Variants in USP48 observed in about 807,000 individuals in gnomAD.
USP48 encodes ubiquitin carboxyl-terminal hydrolase 48.
USP48 carries 43 observed loss-of-function variants against 150.7 expected under a neutral mutation model. That is an observed-to-expected ratio of 0.29 (90% CI 0.22 to 0.37). The LOEUF (loss-of-function observed/expected upper bound fraction) is 0.37. Ranked by LOEUF, USP48 falls within the 10% of genes least tolerant of loss-of-function variation. The pLI, the probability that USP48 is intolerant of heterozygous loss-of-function variation, is 1.00. For missense variants in USP48, 813 were observed against 1,249.6 expected (o/e 0.65, Z 5.27); for synonymous variants, 396 against 425.9 (o/e 0.93, Z 0.86).
chr1:21,706,689 A>C (rs1354870218), intron 16 of USP48, 55 bp downstream of exon 16: 1 of 1,609,922 alleles, frequency 6.2e-7, no homozygotes, highest in East Asian at 2.2e-5. Flanking sequence ...TCCCCTGGGA[A>C]GTCAACCCAG....
Position 21,757,686 on chromosome 1 carries a change from G to A in USP48, c.232C>T (p.Pro78Ser). 1 of 1,612,648 alleles carries A rather than the reference G, an allele frequency of 6.2e-7. No homozygotes were observed. The stretch of plus-strand genomic sequence containing the variant: ...ACCTTTTTTCTCCTCTCACAGTTGG[G>A]ATCATCGATGTTATGAAAACTATTT... ...DENSFHNIDD[P>S]NCERRKKNSF... The change falls in exon 2 of 27, where the codon CCC becomes TCC. Residue 78 changes from proline (P) to serine (S), a missense_variant. Pro to Ser is a moderately conservative substitution (Grantham distance 74). Coordinates refer to ENST00000308271, the MANE Select transcript of USP48 (RefSeq NM_032236.8).
intron 9 of USP48, 21 bp from the exon 10 acceptor site, chr1:21,729,853 G>C (rs1236914418): frequency 6.2e-7 from 1 of 1,613,730 alleles, no homozygotes; most frequent in Non-Finnish European, 8.5e-7. Context: ...GAAATCAAAA[G>C]GTACCTTAAC....
chr1:21,778,282 A>G (rs1351842873), intron 1 of USP48, among the ~76,000 whole-genome samples: 1 of 152,234 alleles, frequency 6.6e-6, no homozygotes, highest in Non-Finnish European at 1.5e-5. Flanking sequence ...AGTACACAAA[A>G]AGATGTTTAA....
At chr1:21,768,926 A>G (rs1162890726) in intron 1 of USP48, among the ~76,000 whole-genome samples, 1 of 151,960 alleles carries the variant, frequency 6.6e-6, no homozygotes, top group Non-Finnish European at 1.5e-5. Flanking sequence ...TTGCCTCCCA[A>G]ACTGCTGGGG....
intron 23 of USP48, among the ~76,000 whole-genome samples, chr1:21,693,743 G>C (rs768097411): frequency 6.6e-6 from 1 of 152,190 alleles, no homozygotes; most frequent in African/African-American, 2.4e-5. Flanking sequence ...ATAGAAACAA[G>C]GTTTCTTAGA....
intron 15 of USP48, among the ~76,000 whole-genome samples, chr1:21,707,113 A>G (rs1406036709): frequency 6.6e-6 from 1 of 152,196 alleles, no homozygotes; most frequent in African/African-American, 2.4e-5. Context: ...TGATTGAAAA[A>G]AAAATCATGA....
chr1:21,711,461 A>T (rs2097689983), intron 15 of USP48, among the ~76,000 whole-genome samples: 1 of 152,172 alleles, frequency 6.6e-6, no homozygotes, highest in Non-Finnish European at 1.5e-5. Flanking sequence ...TGAACAGGGG[A>T]CACAAAACAC....
rs1231380871 is a variant in USP48 at position 21,783,144 on chromosome 1, G to A, written c.-187C>T. 2.2e-5 allele frequency: 20 copies of A among 913,802 alleles called. No individual in the cohort carries two copies. The highest frequency in any genetic ancestry group is 3.0e-5 in the Non-Finnish European group (20 of 675,078). 56.6% of individuals were successfully genotyped at this position (913,802 alleles called of 1,614,324 possible). ...CCGCCCGCGCCCGACCCGCACGACC[G>A]GCCGCAAAGCGCCGCCGTCGACACC... On this transcript the variant is annotated 5_prime_UTR_variant, in exon 1 of 27. Transcript: ENST00000308271.
intron 18 of USP48, 130 bp downstream of exon 18, chr1:21,705,996 C>A: frequency 8.8e-7 from 1 of 1,132,986 alleles, no homozygotes; most frequent in South Asian, 1.7e-5. Context: ...GAAAAGAAAG[C>A]TTTCAGTGTA....
intron 15 of USP48, among the ~76,000 whole-genome samples, chr1:21,712,628 CTTTTT>C (rs11333202): frequency 0.078 from 10,492 of 134,492 alleles, 502 homozygotes; most frequent in East Asian, 0.22. Flanking sequence ...GAAAACTATC[CTTTTT>C]TTTTTTTTTT....
chr1:21,740,110 C>T (rs1416479100), intron 8 of USP48, among the ~76,000 whole-genome samples: 2 of 152,220 alleles, frequency 1.3e-5, no homozygotes, highest in African/African-American at 4.8e-5. Flanking sequence ...GGCGTTTCTC[C>T]ATGTTGGTCA....
At chr1:21,717,370 C>T (rs1438162674) in intron 14 of USP48, among the ~76,000 whole-genome samples, 3 of 151,976 alleles carry the variant, frequency 2.0e-5, no homozygotes, top group Admixed American at 1.3e-4. Context: ...CGTCACTGCT[C>T]TCCAGCCAGG....
intron 13 of USP48, among the ~76,000 whole-genome samples, 179 bp from the exon 14 acceptor site, chr1:21,721,345 C>G (rs1209655395): frequency 6.6e-6 from 1 of 152,252 alleles, no homozygotes; most frequent in Admixed American, 6.5e-5. Flanking sequence ...TATTGAACTG[C>G]AGGGATCTAA....
intron 2 of USP48, chr1:21,757,053 T>C: frequency 1.1e-6 from 1 of 939,028 alleles, no homozygotes; most frequent in Non-Finnish European, 1.3e-6. Flanking sequence ...ACTGCCAGCA[T>C]TCAGCAGAAT....
chr1:21,728,598 C>G lies in USP48; in HGVS notation c.1422G>C (p.Glu474Asp). 7 of 1,614,100 alleles carry G rather than the reference C, an allele frequency of 4.3e-6. No homozygotes were observed. The highest frequency in any genetic ancestry group is 5.1e-6 in the Non-Finnish European group (6 of 1,179,986). Residue 474 changes from glutamate (E) to aspartate (D), a missense_variant, in exon 11 of 27, where the codon GAG becomes GAC. Coordinates refer to ENST00000308271, the MANE Select transcript of USP48 (RefSeq NM_032236.8). ...KGKAKHEEVKELYQRLPAGAE... is the reference protein window; with the variant it reads ...KGKAKHEEVKDLYQRLPAGAE... ...CTCCAGCAGGTAACCTTTGGTACAG[C>G]TCCTTAACCTCTTCGTGTTTTGCTT...
chr1:21,763,820 A>AAAGGAAGGGAGG (rs778283900), intron 1 of USP48, among the ~76,000 whole-genome samples: 162 of 151,150 alleles, frequency 1.1e-3, no homozygotes, highest in Admixed American at 4.4e-3. Context: ...TGTTTCAAGA[A>AAAGGAAGGGAGG]AAGGAAGGGA....
At chr1:21,699,192 A>ATTTTTGTTTTTTTTTTT (rs2097647168) in intron 22 of USP48, among the ~76,000 whole-genome samples, 1 of 63,612 alleles carries the variant, frequency 1.6e-5, no homozygotes, top group African/African-American at 5.8e-5. Flanking sequence ...ACCACACCTA[A>ATTTTTGTTTTTTTTTTT]TTTTTTTTTT....
chr1:21,737,361 T>A (rs142286181), intron 8 of USP48, among the ~76,000 whole-genome samples: 2 of 152,148 alleles, frequency 1.3e-5, no homozygotes, highest in African/African-American at 4.8e-5. Context: ...ACTTAAAAAA[T>A]CTAGAATGAT....
Position 21,772,793 on chromosome 1 carries a change from G to A in USP48, c.134+10031C>T, listed in dbSNP as rs1366259559. On this transcript the variant is annotated intron_variant, in intron 1 of 26. Transcript: ENST00000308271. The stretch of plus-strand genomic sequence containing the variant: ...AAATGTTAGCCAGGAGTGGTGGCAC[G>A]GACCTGTAATCCCAGCTACTTGGGA... Among the ~76,000 whole-genome samples the A allele has an allele frequency of 1.1e-4, 16 of 150,684 alleles. No homozygotes were observed. In the South Asian group the frequency reaches 1.3e-3, roughly 12 times the overall value.
Sources: allele counts gnomAD v4.1 joint callset (sites outside exome capture counted in the v4.1 genomes callset), GRCh38; gene constraint gnomAD v4.1.1; transcripts MANE v1.5; gene names NCBI Gene and HGNC (gene_info 2026-07-23, HGNC 2026-07-21).